Variants in NBAS observed in about 807,000 individuals in gnomAD.
NBAS encodes NAG/BC035112 fusion.
NBAS carries 219 observed loss-of-function variants against 302.5 expected under a neutral mutation model. That is an observed-to-expected ratio of 0.72 (90% CI 0.65 to 0.81). NBAS has a LOEUF of 0.81. Ranked by LOEUF, NBAS falls within the 30% of genes least tolerant of loss-of-function variation. The pLI, the probability that NBAS is intolerant of heterozygous loss-of-function variation, is 0.00. For missense variants in NBAS, 2,932 were observed against 2,841.6 expected (o/e 1.03, Z -0.72); for synonymous variants, 1,118 against 1,021.6 (o/e 1.09, Z -1.80).
At chr2:15,038,646 TG>T in the NBAS span, among the ~76,000 whole-genome samples, 10 of 152,114 alleles carry the variant, frequency 6.6e-5, no homozygotes, top group African/African-American at 2.4e-4. Context: ...TGATGTCAGG[TG>T]GGTTTGCAGA....
At chr2:15,406,913 A>G (rs1676442703) in intron 25 of NBAS, among the ~76,000 whole-genome samples, 1 of 152,180 alleles carries the variant, frequency 6.6e-6, no homozygotes, top group Non-Finnish European at 1.5e-5. Flanking sequence ...TTGTGGAGAA[A>G]CGGGCATACT....
At chr2:14,949,669 GTATAGA>G in the NBAS span, among the ~76,000 whole-genome samples, 1 of 152,122 alleles carries the variant, frequency 6.6e-6, no homozygotes, top group African/African-American at 2.4e-5. Flanking sequence ...ATATATGTGT[GTATAGA>G]TATAGATATA....
chr2:15,488,856 C>A (rs779663747), intron 12 of NBAS, 38 bp downstream of exon 12: 45 of 1,610,262 alleles, frequency 2.8e-5, no homozygotes, highest in Non-Finnish European at 2.6e-5. Flanking sequence ...CAATACTCAC[C>A]CTTAAGAGAG....
chr2:15,146,723 A>T, the NBAS span, among the ~76,000 whole-genome samples: 2 of 152,144 alleles, frequency 1.3e-5, no homozygotes, highest in African/African-American at 4.8e-5. Flanking sequence ...GGCAGAGCAG[A>T]TAGATGGTAT....
chr2:15,437,356 T>C (rs1678078317), intron 21 of NBAS, among the ~76,000 whole-genome samples: 1 of 152,168 alleles, frequency 6.6e-6, no homozygotes, highest in Non-Finnish European at 1.5e-5. Context: ...AGTCCTAAGC[T>C]ATTAATAAAC....
At chr2:14,962,733 A>G in the NBAS span, among the ~76,000 whole-genome samples, 8 of 152,246 alleles carry the variant, frequency 5.3e-5, no homozygotes, top group East Asian at 1.2e-3. Flanking sequence ...GTCATTAGCC[A>G]TTGACGCTCC....
At chr2:15,161,160 AC>A in the NBAS span, among the ~76,000 whole-genome samples, 3 of 152,202 alleles carry the variant, frequency 2.0e-5, no homozygotes, top group African/African-American at 7.2e-5. Context: ...GGGACAACTT[AC>A]GCAAGTTTAT....
rs114084585 is a variant in NBAS, at chr2:15,404,103, A to G, written c.2938-1802T>C. Among the ~76,000 whole-genome samples, 1,026 of 152,166 alleles carry G rather than the reference A, an allele frequency of 6.7e-3. 12 individuals carry two copies. The highest frequency in any genetic ancestry group is 0.022 in the African/African-American group (926 of 41,516). On this transcript the variant is annotated intron_variant, in intron 25 of 51. Transcript: ENST00000281513. ...GTGTTTTGTGTGCACTAATTCATAA[A>G]TCGTCATAACAATCCTATAAAATTA...
chr2:14,907,175 G>A, the NBAS span, among the ~76,000 whole-genome samples: 1 of 152,252 alleles, frequency 6.6e-6, no homozygotes, highest in Non-Finnish European at 1.5e-5. Context: ...TCTAGTGAGA[G>A]AGTGGAGTCT....
chr2:14,950,761 C>T, the NBAS span, among the ~76,000 whole-genome samples: 231 of 152,250 alleles, frequency 1.5e-3, no homozygotes, highest in African/African-American at 4.7e-3. Flanking sequence ...TCACAGAAGA[C>T]CTTCCTAGAG....
chr2:14,948,258 T>C, the NBAS span, among the ~76,000 whole-genome samples: 1 of 152,106 alleles, frequency 6.6e-6, no homozygotes, highest in African/African-American at 2.4e-5. Flanking sequence ...TTCCATCTTT[T>C]TGTGGAGTTT....
At chr2:14,962,283 C>A in the NBAS span, among the ~76,000 whole-genome samples, 1 of 152,140 alleles carries the variant, frequency 6.6e-6, no homozygotes, top group Non-Finnish European at 1.5e-5. Flanking sequence ...CATTAAACAG[C>A]AAGAATAACC....
In NBAS at chr2:15,309,305, T is replaced by C. The variant is rs553629227; in HGVS notation, c.4583-58A>G. On this transcript the variant is annotated intron_variant, in intron 38 of 51. Transcript: ENST00000281513. ...AGGTTGCATATGATATTCATAGTTA[T>C]TAAATGCCATGTTTTCAGCCCCATA... The C allele has an allele frequency of 1.0e-5, 14 of 1,399,810 alleles. No individual in the cohort carries two copies. In the East Asian group the frequency reaches 2.4e-4, roughly 24 times the overall value. 86.7% of individuals were successfully genotyped at this position (1,399,810 alleles called of 1,614,324 possible).
the NBAS span, among the ~76,000 whole-genome samples, chr2:14,784,421 G>A: frequency 6.6e-6 from 1 of 152,172 alleles, no homozygotes; most frequent in African/African-American, 2.4e-5. Flanking sequence ...GTAATGCCTA[G>A]GTTTTCTTCT....
At chr2:15,284,561 A>T (rs1669959259) in intron 42 of NBAS, among the ~76,000 whole-genome samples, 1 of 152,234 alleles carries the variant, frequency 6.6e-6, no homozygotes, top group African/African-American at 2.4e-5. Context: ...GGGAATGTAC[A>T]ATTATGAGAA....
chr2:15,512,737 T>C (rs986659320), intron 9 of NBAS, among the ~76,000 whole-genome samples: 88 of 152,198 alleles, frequency 5.8e-4, no homozygotes, highest in African/African-American at 2.1e-3. Flanking sequence ...GGCAACAAAA[T>C]AGATTCTCCC....
the NBAS span, among the ~76,000 whole-genome samples, chr2:15,120,867 T>G: frequency 6.6e-6 from 1 of 152,230 alleles, no homozygotes; most frequent in Non-Finnish European, 1.5e-5. Flanking sequence ...CTTGGAGATT[T>G]ATTCTGTTTC....
At chr2:15,447,488 T>C (rs967856133) in intron 21 of NBAS, among the ~76,000 whole-genome samples, 7 of 152,162 alleles carry the variant, frequency 4.6e-5, no homozygotes, top group African/African-American at 7.2e-5. Context: ...AGTGGCTCTC[T>C]GGAGTGAGGT....
the NBAS span, among the ~76,000 whole-genome samples, chr2:15,124,600 T>C: frequency 6.6e-6 from 1 of 152,268 alleles, no homozygotes; most frequent in South Asian, 2.1e-4. Flanking sequence ...TCCAGAGGCC[T>C]AGGAGGAAAG....
Sources: gnomAD v4.1 joint callset for allele counts (sites outside exome capture counted in the v4.1 genomes callset) on GRCh38, gnomAD v4.1.1 for gene constraint, MANE v1.5 for transcripts, NCBI Gene and HGNC (gene_info 2026-07-23, HGNC 2026-07-21) for gene names.